ZNF335: variants seen among roughly 807,000 people sequenced by gnomAD.
The protein encoded by ZNF335 is zinc finger protein 335.
In ZNF335, 84 loss-of-function variants were observed where a neutral mutation model predicts 145.6. That is an observed-to-expected ratio of 0.58 (90% confidence interval 0.48 to 0.69). The LOEUF (loss-of-function observed/expected upper bound fraction) is 0.69. ZNF335 is among the 30% of genes least tolerant of loss of function. The probability of loss-of-function intolerance (pLI) is 0.00; values close to 1 mark genes in which losing one functional copy is unlikely to be tolerated. For synonymous variants in ZNF335, 761 were observed against 717.0 expected, an observed-to-expected ratio of 1.06 and a Z score of -0.98; for missense variants, 1,865 against 1,809.7, an observed-to-expected ratio of 1.03 and a Z score of -0.55.
At position 45,965,772 on chromosome 20, in the gene ZNF335, C is replaced by T; in HGVS notation, c.958G>A (p.Asp320Asn). 1 of 1,602,240 alleles carries T rather than the reference C, an allele frequency of 6.2e-7. No individual in the cohort carries two copies. Among genetic ancestry groups the T allele is most frequent in the Non-Finnish European group, 8.5e-7 (1 of 1,174,632 alleles). The change falls in exon 7 of 28, where the codon GAT becomes AAT. Residue 320 changes from aspartate (D) to asparagine (N), a missense_variant and splice_region_variant. Physicochemically the swap from Asp to Asn is conservative, Grantham distance 23. Transcript: ENST00000322927. The part of the protein sequence containing the change: ...DAGAIDDLEE[D>N]SDYNPAEDEP... ...TCCTCAGCTGGATTATAGTCGCTAT[C>T]CTCTGTGGGGGACAGTAAAGTTGGT...
chr20:45,951,064 G>A (rs2083622604), intron 20 of ZNF335, among the ~76,000 whole-genome samples: 1 of 152,206 alleles, frequency 6.6e-6, no homozygotes, highest in South Asian at 2.1e-4. Flanking sequence ...GGCTAATTTT[G>A]TATTTTTAGT....
chr20:45,954,111 C>T (rs2083683760), intron 17 of ZNF335, among the ~76,000 whole-genome samples, 163 bp from the exon 18 acceptor site: 1 of 152,228 alleles, frequency 6.6e-6, no homozygotes, highest in Admixed American at 6.5e-5. Flanking sequence ...AAAATATACT[C>T]TGGCTTTCCA....
intron 17 of ZNF335, among the ~76,000 whole-genome samples, chr20:45,955,730 C>G (rs3848716): frequency 0.92 from 139,700 of 151,906 alleles, 64,626 homozygotes; most frequent in Non-Finnish European, 0.95. Flanking sequence ...CGAGGTAGGA[C>G]AATCATTTGA....
intron 17 of ZNF335, among the ~76,000 whole-genome samples, chr20:45,956,177 G>A (rs945964657): frequency 2.0e-5 from 3 of 152,042 alleles, no homozygotes; most frequent in Admixed American, 6.6e-5. Context: ...GGGGAGAAAT[G>A]CCAAGGACTT....
In ZNF335 at chr20:45,959,365, C is replaced by T. The variant is rs564437959; in HGVS notation, c.2089G>A (p.Val697Ile). The T allele has an allele frequency of 1.5e-5, 24 of 1,581,130 alleles. No individual in the cohort carries two copies. The highest frequency in any genetic ancestry group is 4.7e-5 in the East Asian group (2 of 42,450). ...TRHKKNLRLHVRCRHASSFEE... is the reference protein window; with the variant it reads ...TRHKKNLRLHIRCRHASSFEE... ...AAGCTGCTTGCGTGTCGGCACCGTA[C>T]GTGCAGGCGCAGGTTCTTCTTGTGC... Residue 697 changes from valine to isoleucine, a missense_variant, in exon 15 of 28, where the codon GTA becomes ATA. Coordinates refer to ENST00000322927, the MANE Select transcript of ZNF335 (RefSeq NM_022095.4).
In ZNF335 at chr20:45,967,994, G is replaced by A; in HGVS notation, c.554C>T (p.Thr185Ile). 2 of 1,612,698 alleles carry A rather than the reference G, an allele frequency of 1.2e-6. No homozygotes were observed. Among genetic ancestry groups the A allele is most frequent in the Non-Finnish European group, 1.7e-6 (2 of 1,180,032 alleles). The change falls in exon 5 of 28, where the codon ACC (threonine) becomes ATC (isoleucine). Residue 185 changes from threonine (T) to isoleucine (I), a missense_variant. By Grantham distance (89) the Thr-to-Ile change is moderately conservative. Coordinates refer to ENST00000322927, the MANE Select transcript of ZNF335 (RefSeq NM_022095.4). Reference sequence around the variant, plus strand: ...AATGGCTGCTAGGCTGTGGGCCAAGGTGGAACTGGACATTGGTGATGTCAT... The same window carrying A: ...AATGGCTGCTAGGCTGTGGGCCAAGATGGAACTGGACATTGGTGATGTCAT... ...APMTSPMSSS[T>I]LAHSLAAIEA...
intron 7 of ZNF335, 85 bp from the exon 8 acceptor site, chr20:45,964,075 T>C (rs554555729): frequency 6.8e-7 from 1 of 1,475,064 alleles, no homozygotes; most frequent in East Asian, 2.3e-5. Flanking sequence ...AGCCAAAATA[T>C]CCTCCCACCC....
chr20:45,969,536 C>A lies in ZNF335; in HGVS notation c.357G>T (p.Val119=). 6.3e-7 allele frequency: 1 copy of A among 1,592,666 alleles called. No individual in the cohort carries two copies. Among genetic ancestry groups the A allele is most frequent in the Non-Finnish European group, 8.6e-7 (1 of 1,162,658 alleles). The change falls in exon 3 of 28, where the codon GTG becomes GTT. Residue 119 remains valine, a synonymous_variant. Transcript: ENST00000322927. ...CCGAGGAGGAAGCTGTGCAGTCGGACACCAGCATGTTGGGGTCTGGGAGTG... is the reference window on the plus strand; with the variant it reads ...CCGAGGAGGAAGCTGTGCAGTCGGAAACCAGCATGTTGGGGTCTGGGAGTG... ...SSALPDPNML[V]SDCTASSSDL...
Position 45,963,541 on chromosome 20 carries a change from C to T in ZNF335, c.1465G>A (p.Ala489Thr). The T allele has an allele frequency of 6.2e-7, 1 of 1,614,198 alleles. No homozygotes were observed. Among genetic ancestry groups the T allele is most frequent in the Non-Finnish European group, 8.5e-7 (1 of 1,180,036 alleles). Residue 489 changes from alanine to threonine, a missense_variant, in exon 9 of 28, where the codon GCT becomes ACT. By Grantham distance (58) the Ala-to-Thr change is moderately conservative. Coordinates refer to ENST00000322927, the MANE Select transcript of ZNF335 (RefSeq NM_022095.4). ...CACTTGAAGAGCTGGGGATCGCCAGCCTCATGGGAGTTGACGTGGAAGCGC... is the reference window on the plus strand; with the variant it reads ...CACTTGAAGAGCTGGGGATCGCCAGTCTCATGGGAGTTGACGTGGAAGCGC... ...DLRFHVNSHE[A>T]GDPQLFKCLQ... is the part of the protein sequence containing the mutation.
At chr20:45,963,071 G>A (rs147204976) in intron 9 of ZNF335, among the ~76,000 whole-genome samples, 6,212 of 151,992 alleles carry the variant, frequency 0.041, 198 homozygotes, top group East Asian at 0.11. Flanking sequence ...CCTCAGCCTC[G>A]CAAAGTGCTG....
At chr20:45,951,694 C>T (rs544612022) in intron 20 of ZNF335, among the ~76,000 whole-genome samples, 23 of 152,302 alleles carry the variant, frequency 1.5e-4, no homozygotes, top group Non-Finnish European at 2.9e-4. Context: ...GCCCACCTGC[C>T]GCTCACCTGC....
intron 7 of ZNF335, 83 bp from the exon 8 acceptor site, chr20:45,964,073 T>C: frequency 3.4e-6 from 5 of 1,479,264 alleles, no homozygotes; most frequent in Non-Finnish European, 3.6e-6. Context: ...CCAGCCAAAA[T>C]ATCCTCCCAC....
chr20:45,960,815 A>C (rs550098870), intron 11 of ZNF335, 49 bp downstream of exon 11: 14 of 1,613,726 alleles, frequency 8.7e-6, no homozygotes, highest in Non-Finnish European at 1.2e-5. Context: ...TCACCCCCAT[A>C]AACAACCCCC....
At position 45,950,722 on chromosome 20, in the gene ZNF335, A is replaced by G. The variant is rs1433711173; in HGVS notation, c.3190-127T>C. 5 of 1,322,580 alleles carry G rather than the reference A, an allele frequency of 3.8e-6. No homozygotes were observed. The East Asian group carries it at 9.3e-5, about 25-fold the overall frequency. The allele number at this position is 1,322,580 out of a possible 1,614,324, so 81.9% of individuals were successfully genotyped here. A position where few individuals can be genotyped will look rare whatever the true frequency, so the allele number is the denominator to read the frequency against. ...ACCTGGGAAAACCAAAATCCTGTGC[A>G]CTAACAAGAAGCTGGGTAGAAAGGC... On this transcript the variant is annotated intron_variant, in intron 20 of 27. Coordinates refer to ENST00000322927, the MANE Select transcript of ZNF335 (RefSeq NM_022095.4).
Position 45,949,048 on chromosome 20 carries a change from C to G in ZNF335, c.3934G>C (p.Gly1312Arg). ...ACTGTCTCGTCTGTACCAAACAGGC[C>G]CTGGGCTTGGGCCATGGCAGCATCA... Reference protein sequence around the residue: ...VADAAMAQAQGLFGTDETVPE... With the variant: ...VADAAMAQAQRLFGTDETVPE... Residue 1312 changes from glycine (G) to arginine (R), a missense_variant, in exon 28 of 28, where the codon GGC becomes CGC. Coordinates refer to ENST00000322927, the MANE Select transcript of ZNF335 (RefSeq NM_022095.4). 1.2e-6 allele frequency: 2 copies of G among 1,613,838 alleles called. No individual in the cohort carries two copies. Among genetic ancestry groups the G allele is most frequent in the Non-Finnish European group, 1.7e-6 (2 of 1,180,026 alleles).
At chr20:45,949,284 G>A (rs1017435940) in intron 26 of ZNF335, 33 bp from the exon 27 acceptor site, 7 of 1,613,968 alleles carry the variant, frequency 4.3e-6, no homozygotes, top group Non-Finnish European at 5.9e-6. Context: ...ATGCTGGCCT[G>A]GAGAAACCTG....
chr20:45,949,711 G>C, intron 24 of ZNF335, 89 bp downstream of exon 24: 2 of 1,523,370 alleles, frequency 1.3e-6, no homozygotes, highest in Non-Finnish European at 9.0e-7. Flanking sequence ...CAGGAGGGGT[G>C]GTTTGGAAAG....
At chr20:45,950,113 C>T (rs1353305112) in intron 22 of ZNF335, 44 bp from the exon 23 acceptor site, 1 of 1,609,944 alleles carries the variant, frequency 6.2e-7, no homozygotes, top group East Asian at 2.2e-5. Flanking sequence ...CCAGGAAAAC[C>T]TGCAATGCCC....
At position 45,969,678 on chromosome 20, in the gene ZNF335, TCA is replaced by T. The variant is rs750840396; in HGVS notation, c.213_214del (p.Ser73GlnfsTer9). On this transcript the variant is annotated frameshift_variant, in exon 3 of 28. Coordinates refer to ENST00000322927, the MANE Select transcript of ZNF335 (RefSeq NM_022095.4). LOFTEE classifies it high-confidence loss of function. ...CAGGGGGTCTGCGCTCGAGCTGCTC[TCA>T]GATACCTCCTCCTGAGGGGCATGAA... The T allele has an allele frequency of 6.2e-7, 1 of 1,611,506 alleles. No homozygotes were observed. Among genetic ancestry groups the T allele is most frequent in the Non-Finnish European group, 8.5e-7 (1 of 1,179,034 alleles).
Sources: allele counts gnomAD v4.1 joint callset (sites outside exome capture counted in the v4.1 genomes callset), GRCh38; gene constraint gnomAD v4.1.1; transcripts MANE v1.5; gene names NCBI Gene and HGNC (gene_info 2026-07-23, HGNC 2026-07-21).